Variants in PIBF1 observed in about 807,000 individuals in gnomAD.
PIBF1 encodes progesterone immunomodulatory binding factor 1.
Under a neutral mutation model 112.5 loss-of-function variants are expected in PIBF1, and 90 were observed. The ratio of observed to expected loss-of-function variants is 0.80; its 90% CI spans 0.67 to 0.95. The LOEUF is 0.95. Ranked by LOEUF, PIBF1 falls within the 40% of genes least tolerant of loss-of-function variation. The pLI is 0.00. For missense variants in PIBF1, 915 were observed against 852.3 expected (o/e 1.07, Z -0.92); for synonymous variants, 301 against 288.6 (o/e 1.04, Z -0.44).
chr13:72,806,636 C>G (rs2035750120), intron 5 of PIBF1, among the ~76,000 whole-genome samples: 1 of 152,024 alleles, frequency 6.6e-6, no homozygotes, highest in Admixed American at 6.6e-5. Context: ...GGTTTTCTGT[C>G]CTTGTGATGG....
chr13:72,966,519 T>G (rs1466322221), intron 15 of PIBF1, among the ~76,000 whole-genome samples: 1 of 152,188 alleles, frequency 6.6e-6, no homozygotes, highest in Non-Finnish European at 1.5e-5. Context: ...AATTATGTCT[T>G]TCACAATTCA....
At chr13:72,957,310 T>C (rs2042474492) in intron 14 of PIBF1, among the ~76,000 whole-genome samples, 1 of 152,174 alleles carries the variant, frequency 6.6e-6, no homozygotes, top group Non-Finnish European at 1.5e-5. Flanking sequence ...GGTATGTATA[T>C]ATACCATGGA....
At chr13:72,823,577 C>T (rs907411633) in intron 6 of PIBF1, among the ~76,000 whole-genome samples, 131 of 152,052 alleles carry the variant, frequency 8.6e-4, no homozygotes, top group African/African-American at 3.0e-3. Context: ...TTTTATGCCC[C>T]GGGTAAATTC....
chr13:72,978,647 T>A (rs1163801807), intron 16 of PIBF1, among the ~76,000 whole-genome samples: 1 of 152,212 alleles, frequency 6.6e-6, no homozygotes, highest in African/African-American at 2.4e-5. Context: ...ATAATCTTTT[T>A]TTTCCTCTTT....
chr13:72,878,467 T>G (rs2039495753), intron 10 of PIBF1, among the ~76,000 whole-genome samples: 1 of 152,224 alleles, frequency 6.6e-6, no homozygotes, highest in Middle Eastern at 3.2e-3. Flanking sequence ...ATTGTTGATT[T>G]CTAGTTTAAT....
intron 5 of PIBF1, among the ~76,000 whole-genome samples, chr13:72,818,471 G>C (rs1476469750): frequency 2.0e-5 from 3 of 151,928 alleles, no homozygotes; most frequent in Non-Finnish European, 4.4e-5. Context: ...CCCACATTTG[G>C]TTCCTTGCCA....
At chr13:72,834,932 C>T (rs1267959048) in intron 8 of PIBF1, among the ~76,000 whole-genome samples, 1 of 152,098 alleles carries the variant, frequency 6.6e-6, no homozygotes, top group East Asian at 1.9e-4. Context: ...TTTGAAGCCT[C>T]AACCATATGC....
chr13:72,934,189 T>TAGATGA (rs1410165472), intron 14 of PIBF1, among the ~76,000 whole-genome samples: 39 of 152,338 alleles, frequency 2.6e-4, no homozygotes, highest in African/African-American at 8.7e-4. Flanking sequence ...TTATATAAAC[T>TAGATGA]AGATGAATGA....
At chr13:72,856,281 T>G (rs1339698800) in intron 10 of PIBF1, among the ~76,000 whole-genome samples, 1 of 152,200 alleles carries the variant, frequency 6.6e-6, no homozygotes, top group Admixed American at 6.5e-5. Flanking sequence ...TAACTGAATT[T>G]TGTTCTTCAC....
intron 6 of PIBF1, 97 bp from the exon 7 acceptor site, chr13:72,826,913 T>G (rs1233887363): frequency 7.1e-6 from 4 of 560,302 alleles, no homozygotes; most frequent in Non-Finnish European, 1.2e-5. Context: ...TGCTAGTGTC[T>G]CTATTCAGCG....
At chr13:72,897,686 C>T (rs1442373542) in intron 11 of PIBF1, among the ~76,000 whole-genome samples, 1 of 152,152 alleles carries the variant, frequency 6.6e-6, no homozygotes, top group Non-Finnish European at 1.5e-5. Context: ...ACAAAAAAAA[C>T]TTTAAAGCAA....
intron 13 of PIBF1, among the ~76,000 whole-genome samples, chr13:72,923,809 A>G (rs2041382117): frequency 6.6e-6 from 1 of 152,128 alleles, no homozygotes; most frequent in African/African-American, 2.4e-5. Flanking sequence ...TACTAAAAAG[A>G]CAAAAATTAG....
intron 16 of PIBF1, among the ~76,000 whole-genome samples, chr13:72,982,468 T>A (rs1041452508): frequency 4.6e-5 from 7 of 152,028 alleles, no homozygotes; most frequent in Admixed American, 2.6e-4. Flanking sequence ...AAAAAAATAT[T>A]ATCTATCCTT....
intron 10 of PIBF1, among the ~76,000 whole-genome samples, chr13:72,869,916 A>G (rs1167839856): frequency 1.3e-5 from 2 of 152,130 alleles, no homozygotes; most frequent in African/African-American, 4.8e-5. Context: ...GACTAGCAAT[A>G]GTAATTCTTT....
At chr13:72,975,478 A>G (rs2042998209) in intron 16 of PIBF1, among the ~76,000 whole-genome samples, 1 of 152,202 alleles carries the variant, frequency 6.6e-6, no homozygotes, top group African/African-American at 2.4e-5. Context: ...GGAACTGGAA[A>G]CTATTACTGG....
intron 2 of PIBF1, among the ~76,000 whole-genome samples, chr13:72,785,620 G>A (rs991534694): frequency 6.6e-6 from 1 of 152,140 alleles, no homozygotes; most frequent in African/African-American, 2.4e-5. Context: ...TAGGTCACTT[G>A]GTAGTTTATC....
At chr13:72,940,256 TC>T (rs2041976406) in intron 14 of PIBF1, among the ~76,000 whole-genome samples, 1 of 152,072 alleles carries the variant, frequency 6.6e-6, no homozygotes, top group African/African-American at 2.4e-5. Context: ...TACTGTGTCT[TC>T]CAGTTCACTA....
intron 17 of PIBF1, among the ~76,000 whole-genome samples, chr13:73,012,758 C>CAATAAG (rs2044241811): frequency 6.8e-6 from 1 of 147,492 alleles, no homozygotes; most frequent in South Asian, 2.2e-4. Context: ...CTGTCTCCAC[C>CAATAAG]AATAATAATA....
At position 73,015,907 on chromosome 13, in the gene PIBF1, G is replaced by A; in HGVS notation, c.2262G>A (p.Lys754=). The change falls in exon 18 of 18, where the codon AAG becomes AAA. Residue 754 remains lysine (K), a synonymous_variant. Coordinates refer to ENST00000326291, the MANE Select transcript of PIBF1 (RefSeq NM_006346.4). The part of the protein sequence containing the change: ...KEAPEWSKKQ[K]MKT ...CACCTGAGTGGTCTAAGAAACAAAA[G>A]ATGAAGACCTAGTGTTTTGGATGGG... The A allele has an allele frequency of 6.3e-7, 1 of 1,588,478 alleles. No individual in the cohort carries two copies. The highest frequency in any genetic ancestry group is 1.1e-5 in the South Asian group (1 of 87,276).
Sources: allele counts gnomAD v4.1 joint callset (sites outside exome capture counted in the v4.1 genomes callset), GRCh38; gene constraint gnomAD v4.1.1; transcripts MANE v1.5; gene names NCBI Gene and HGNC (gene_info 2026-07-23, HGNC 2026-07-21).